PCDHA7: variants seen among roughly 807,000 people sequenced by gnomAD.
The protein encoded by PCDHA7 is protocadherin alpha-7.
PCDHA7 carries 37 observed loss-of-function variants against 57.2 expected under a neutral mutation model. The observed-to-expected ratio is 0.65, with a 90% confidence interval of 0.50 to 0.85. The LOEUF (loss-of-function observed/expected upper bound fraction) is 0.85, where lower values mean the gene tolerates loss of function less well. Ranked by LOEUF, PCDHA7 falls within the 40% of genes least tolerant of loss-of-function variation. The pLI, the probability that PCDHA7 is intolerant of heterozygous loss-of-function variation, is 0.00. For missense variants in PCDHA7, 1,188 were observed against 1,241.8 expected (o/e 0.96, Z 0.65); for synonymous variants, 553 against 558.8 (o/e 0.99, Z 0.15).
At chr5:140,970,146 C>A (rs1408492600) in intron 1 of PCDHA7, among the ~76,000 whole-genome samples, 3 of 152,156 alleles carry the variant, frequency 2.0e-5, no homozygotes, top group Admixed American at 6.5e-5. Context: ...AAAAAGAATT[C>A]TCCCAATAGT....
At chr5:140,978,462 G>T (rs939639463) in intron 1 of PCDHA7, among the ~76,000 whole-genome samples, 3 of 152,222 alleles carry the variant, frequency 2.0e-5, no homozygotes, top group Admixed American at 1.3e-4. Flanking sequence ...TCCGCCCTGG[G>T]TCAAATATGC....
chr5:140,992,470 G>T (rs1027762445), intron 3 of PCDHA7, among the ~76,000 whole-genome samples: 2 of 152,192 alleles, frequency 1.3e-5, no homozygotes, highest in African/African-American at 4.8e-5. Context: ...GTACTCTTTA[G>T]ATCACCCAGA....
At chr5:140,895,671 T>C (rs1014778982) in intron 1 of PCDHA7, among the ~76,000 whole-genome samples, 5 of 152,184 alleles carry the variant, frequency 3.3e-5, no homozygotes, top group African/African-American at 4.8e-5. Context: ...GAACATGTAG[T>C]ATTTGGTTTT....
At chr5:140,928,641 G>A in intron 1 of PCDHA7, 1 of 1,614,196 alleles carries the variant, frequency 6.2e-7, no homozygotes, top group Non-Finnish European at 8.5e-7. Context: ...TCACAAAAGT[G>A]GTAGCAGAGG....
chr5:140,859,677 A>G (rs942745951), intron 1 of PCDHA7: 1 of 154,782 alleles, frequency 6.5e-6, no homozygotes, highest in South Asian at 2.0e-4. Context: ...GCTTCAAATA[A>G]AATTAAAATT....
At chr5:140,982,214 TG>T in intron 2 of PCDHA7, 1 of 485,000 alleles carries the variant, frequency 2.1e-6, no homozygotes, top group Non-Finnish European at 3.3e-6. Flanking sequence ...GAGCGCCACA[TG>T]GCGTTAATAA....
rs2150366825 is a variant in PCDHA7, at chr5:140,843,799, A to G, written c.2355+7061A>G. Reference sequence around the variant, plus strand: ...AAAAGTGTTTCAGATTTAGTTTTTCACCGTATTTTATAGTGAAAATTTAAA... The same window carrying G: ...AAAAGTGTTTCAGATTTAGTTTTTCGCCGTATTTTATAGTGAAAATTTAAA... On this transcript the variant is annotated intron_variant, in intron 1 of 3. Transcript: ENST00000525929. 59 of 1,346,314 alleles carry G rather than the reference A, an allele frequency of 4.4e-5. 4 individuals carry two copies. Among genetic ancestry groups the G allele is most frequent in the Middle Eastern group, 2.1e-4 (1 of 4,868 alleles). The allele number at this position is 1,346,314 out of a possible 1,614,324, so 83.4% of individuals were successfully genotyped here.
intron 3 of PCDHA7, among the ~76,000 whole-genome samples, chr5:140,992,328 A>G (rs2097505285): frequency 6.6e-6 from 1 of 152,150 alleles, no homozygotes; most frequent in South Asian, 2.1e-4. Flanking sequence ...CTTTTCTAAG[A>G]GCAAAGATGG....
chr5:140,836,602 T>C lies in PCDHA7; in HGVS notation c.2219T>C (p.Val740Ala), dbSNP rs2150265229. The C allele has an allele frequency of 3.1e-6, 5 of 1,613,586 alleles. No individual in the cohort carries two copies. The Admixed American group carries it at 5.0e-5, about 16-fold the overall frequency. Residue 740 changes from valine (V) to alanine (A), a missense_variant, in exon 1 of 4, where the codon GTG becomes GCG. Coordinates refer to ENST00000525929, the MANE Select transcript of PCDHA7 (RefSeq NM_018910.3). Reference protein sequence around the residue: ...GACSLVKPTLVCSSAVGSWSF... With the variant: ...GACSLVKPTLACSSAVGSWSF... ...TGTAGTTTGGTAAAGCCCACTCTGGTGTGCTCCAGCGCGGTGGGGAGCTGG... is the reference window on the plus strand; with the variant it reads ...TGTAGTTTGGTAAAGCCCACTCTGGCGTGCTCCAGCGCGGTGGGGAGCTGG...
At chr5:140,871,125 G>A (rs1387416665) in intron 1 of PCDHA7, 1 of 1,613,330 alleles carries the variant, frequency 6.2e-7, no homozygotes. Context: ...GCGGACAGGC[G>A]CCAAAGGCCT....
At chr5:140,837,021 T>C (rs1774876437) in intron 1 of PCDHA7, 2 of 263,032 alleles carry the variant, frequency 7.6e-6, no homozygotes, top group Non-Finnish European at 1.4e-5. Flanking sequence ...ACCTTTCTTC[T>C]ATAGTGTATT....
At position 140,983,206 on chromosome 5, in the gene PCDHA7, C is replaced by G. The variant is rs184479967; in HGVS notation, c.2503+643C>G. 1.8e-3 allele frequency among the ~76,000 whole-genome samples: 271 copies of G among 152,316 alleles called. 2 individuals are homozygous for G. Among genetic ancestry groups the G allele is most frequent in the South Asian group, 2.5e-3 (12 of 4,822 alleles). On this transcript the variant is annotated intron_variant, in intron 3 of 3. Transcript: ENST00000525929. ...TCTTAGTTTAGAGGGATAATAGGGA[C>G]TATTTCCTAATCCAAACTTTCAGGA...
intron 1 of PCDHA7, among the ~76,000 whole-genome samples, chr5:140,945,682 G>GT (rs1325077083): frequency 6.6e-6 from 1 of 152,010 alleles, no homozygotes; most frequent in African/African-American, 2.4e-5. Context: ...AATCCACACA[G>GT]TTACTGTCCA....
chr5:140,909,210 G>A (rs2074375008), intron 1 of PCDHA7, among the ~76,000 whole-genome samples: 1 of 152,186 alleles, frequency 6.6e-6, no homozygotes, highest in Non-Finnish European at 1.5e-5. Context: ...CCGGAGAGTT[G>A]ATATACCCCT....
intron 1 of PCDHA7, among the ~76,000 whole-genome samples, chr5:140,878,510 A>G (rs781881628): frequency 2.0e-5 from 3 of 152,250 alleles, no homozygotes; most frequent in Non-Finnish European, 4.4e-5. Flanking sequence ...ACGATACAGT[A>G]CAGTTGGTAA....
chr5:140,879,100 T>C (rs2057854721), intron 1 of PCDHA7, among the ~76,000 whole-genome samples: 1 of 152,190 alleles, frequency 6.6e-6, no homozygotes, highest in African/African-American at 2.4e-5. Context: ...CTGCACAGTA[T>C]ATGGTGTAAT....
intron 1 of PCDHA7, chr5:140,876,900 G>T: frequency 1.2e-6 from 2 of 1,614,114 alleles, no homozygotes; most frequent in East Asian, 2.2e-5. Context: ...ACATCTTCAC[G>T]GTGTCGGCAT....
chr5:140,946,807 A>G (rs1333101378), intron 1 of PCDHA7, among the ~76,000 whole-genome samples: 3 of 151,418 alleles, frequency 2.0e-5, no homozygotes, highest in Non-Finnish European at 4.4e-5. Context: ...CAGAGAGTAT[A>G]ACAGTGATTA....
Position 140,858,425 on chromosome 5 carries a change from C to A in PCDHA7, c.2355+21687C>A, listed in dbSNP as rs373682195. Reference sequence around the variant, plus strand: ...GGAAGATCAGTCTATTGGAGGGGACCACTCTAGGAAGGTGGGTTATTACGT... The same window carrying A: ...GGAAGATCAGTCTATTGGAGGGGACAACTCTAGGAAGGTGGGTTATTACGT... On this transcript the variant is annotated intron_variant, in intron 1 of 3. Coordinates refer to ENST00000525929, the MANE Select transcript of PCDHA7 (RefSeq NM_018910.3). The A allele has an allele frequency of 1.2e-5, 18 of 1,552,696 alleles. 1 individual carries two copies. In the African/African-American group the frequency reaches 2.3e-4, roughly 20 times the overall value.
Sources: gnomAD v4.1 joint callset for allele counts (sites outside exome capture counted in the v4.1 genomes callset) on GRCh38, gnomAD v4.1.1 for gene constraint, MANE v1.5 for transcripts, NCBI Gene and HGNC (gene_info 2026-07-23, HGNC 2026-07-21) for gene names.